The following CCDC175 variants were observed in gnomAD, a reference collection of about 807,000 sequenced individuals.
CCDC175 encodes the protein coiled-coil domain containing 175.
CCDC175 carries 100 observed loss-of-function variants against 114.6 expected under a neutral mutation model. The observed-to-expected ratio is 0.87, with a 90% CI of 0.74 to 1.03. CCDC175 has a LOEUF of 1.03. Among genes scored for constraint, CCDC175 ranks in the 50% least tolerant of loss-of-function variants. The pLI, the probability that CCDC175 is intolerant of heterozygous loss-of-function variation, is 0.00. For missense variants in CCDC175, 880 were observed against 917.8 expected, an observed-to-expected ratio of 0.96 and a Z score of 0.53; for synonymous variants, 306 against 308.7, an observed-to-expected ratio of 0.99 and a Z score of 0.09.
chr14:59,514,105 C>G (rs573128013), intron 17 of CCDC175, among the ~76,000 whole-genome samples: 1 of 152,170 alleles, frequency 6.6e-6, no homozygotes, highest in Non-Finnish European at 1.5e-5. Context: ...AGCTGAAGGT[C>G]CTGACTGTTA....
At chr14:59,528,598 ATAAAGT>A (rs1893883885) in intron 14 of CCDC175, among the ~76,000 whole-genome samples, 1 of 152,046 alleles carries the variant, frequency 6.6e-6, no homozygotes, top group African/African-American at 2.4e-5. Context: ...TAACCTTCCT[ATAAAGT>A]TATAGTTTTC....
At chr14:59,565,301 G>A in intron 4 of CCDC175, 26 bp from the exon 5 acceptor site, 1 of 1,515,428 alleles carries the variant, frequency 6.6e-7, no homozygotes, top group South Asian at 1.2e-5. Flanking sequence ...TGCTCACAGA[G>A]TGAGAAGCAC....
At chr14:59,512,443 T>C (rs945701385) in intron 17 of CCDC175, among the ~76,000 whole-genome samples, 1 of 152,248 alleles carries the variant, frequency 6.6e-6, no homozygotes, top group African/African-American at 2.4e-5. Flanking sequence ...ACACTTTGTA[T>C]GTGGAGTCAC....
intron 8 of CCDC175, among the ~76,000 whole-genome samples, chr14:59,550,773 C>T (rs1318853398): frequency 6.6e-6 from 1 of 152,032 alleles, no homozygotes; most frequent in Non-Finnish European, 1.5e-5. Context: ...CGTTTTTCTG[C>T]CTGCTTTATA....
intron 7 of CCDC175, among the ~76,000 whole-genome samples, chr14:59,555,063 C>G (rs1206915393): frequency 6.6e-6 from 1 of 152,218 alleles, no homozygotes; most frequent in Admixed American, 6.5e-5. Context: ...ACCATTACTT[C>G]TGAAACTATT....
chr14:59,576,052 T>C (rs1333483529), intron 1 of CCDC175, among the ~76,000 whole-genome samples: 1 of 152,200 alleles, frequency 6.6e-6, no homozygotes, highest in Non-Finnish European at 1.5e-5. Flanking sequence ...TACCTTAAGC[T>C]TAAGTGACTT....
intron 14 of CCDC175, among the ~76,000 whole-genome samples, chr14:59,531,123 TA>T (rs34343088): frequency 5.7e-4 from 84 of 147,196 alleles, no homozygotes; most frequent in Middle Eastern, 3.5e-3. Context: ...TGGTTTTGTT[TA>T]AAAAAAAAAA....
chr14:59,570,528 T>G (rs574199437), intron 3 of CCDC175, among the ~76,000 whole-genome samples: 1 of 152,170 alleles, frequency 6.6e-6, no homozygotes, highest in Admixed American at 6.5e-5. Context: ...TATTGGGTAG[T>G]GCTCTGAGGA....
chr14:59,551,497 G>T, intron 7 of CCDC175, 61 bp from the exon 8 acceptor site: 1 of 847,964 alleles, frequency 1.2e-6, no homozygotes, highest in Non-Finnish European at 1.8e-6. Context: ...TCTAAGGCAA[G>T]GTGGCCAAAT....
chr14:59,510,236 C>T (rs73305610), intron 19 of CCDC175, among the ~76,000 whole-genome samples: 1,805 of 152,218 alleles, frequency 0.012, 27 homozygotes, highest in African/African-American at 0.042. Context: ...CAGAAGCCCC[C>T]GCAGCCATCA....
intron 19 of CCDC175, chr14:59,510,445 T>C (rs1892675199): frequency 3.9e-6 from 2 of 508,022 alleles, no homozygotes; most frequent in African/African-American, 3.8e-5. Context: ...TAGAAAATTC[T>C]CTTAGGTGAA....
At position 59,572,790 on chromosome 14, in the gene CCDC175, G is replaced by A. The variant is rs1259921388; in HGVS notation, c.267C>T (p.Ile89=). Residue 89 remains isoleucine, a synonymous_variant, in exon 3 of 20, where the codon ATC becomes ATT. Transcript: ENST00000537690. The stretch of plus-strand genomic sequence containing the variant: ...CCATGCTTTCAATCTCCAAAAGATC[G>A]ATTGTGGCTTTTCTCATTTCTTCCT... The part of the protein sequence containing the change: ...KKLEEMRKAT[I]DLLEIESMEL... 10 of 1,510,282 alleles carry A rather than the reference G, an allele frequency of 6.6e-6. No individual in the cohort carries two copies. Among genetic ancestry groups the A allele is most frequent in the Middle Eastern group, 3.4e-4 (2 of 5,930 alleles). 93.6% of individuals were successfully genotyped at this position (1,510,282 alleles called of 1,614,324 possible).
intron 7 of CCDC175, among the ~76,000 whole-genome samples, chr14:59,551,738 A>C (rs566147035): frequency 6.6e-6 from 1 of 152,316 alleles, no homozygotes; most frequent in East Asian, 1.9e-4. Context: ...GCCATGACAG[A>C]CAGCACCTGG....
intron 8 of CCDC175, among the ~76,000 whole-genome samples, chr14:59,550,735 G>T (rs1426684092): frequency 6.6e-6 from 1 of 152,146 alleles, no homozygotes; most frequent in Non-Finnish European, 1.5e-5. Context: ...GATGTAGTCT[G>T]GGAGGCTAAG....
chr14:59,527,273 T>C (rs1222519476), intron 14 of CCDC175, 99 bp from the exon 15 acceptor site: 1 of 646,200 alleles, frequency 1.5e-6, no homozygotes, highest in Non-Finnish European at 2.5e-6. Context: ...TCTCACAAGG[T>C]TTATAACAAA....
chr14:59,553,675 G>A (rs1895680104), intron 7 of CCDC175, among the ~76,000 whole-genome samples: 2 of 152,184 alleles, frequency 1.3e-5, no homozygotes, highest in South Asian at 4.2e-4. Context: ...CTGGCAAATT[G>A]GATAAAAAGT....
chr14:59,507,782 C>G (rs1892510278), intron 19 of CCDC175, among the ~76,000 whole-genome samples: 1 of 152,158 alleles, frequency 6.6e-6, no homozygotes, highest in African/African-American at 2.4e-5. Context: ...TATTTTACAA[C>G]TGGGGAGACT....
At chr14:59,515,969 C>G (rs1028347063) in intron 17 of CCDC175, among the ~76,000 whole-genome samples, 1 of 152,224 alleles carries the variant, frequency 6.6e-6, no homozygotes, top group Non-Finnish European at 1.5e-5. Context: ...CAAACTGTCT[C>G]TCAGAACACA....
chr14:59,534,850 A>C (rs1894301353), intron 13 of CCDC175, among the ~76,000 whole-genome samples: 1 of 152,184 alleles, frequency 6.6e-6, no homozygotes, highest in South Asian at 2.1e-4. Flanking sequence ...TGAACCAGTG[A>C]CTAATCTAAT....
Sources: allele counts gnomAD v4.1 joint callset (sites outside exome capture counted in the v4.1 genomes callset), GRCh38; gene constraint gnomAD v4.1.1; transcripts MANE v1.5; gene names NCBI Gene and HGNC (gene_info 2026-07-23, HGNC 2026-07-21).